Variants in BRINP3 observed in about 807,000 individuals in gnomAD.
BRINP3 encodes the protein BMP/retinoic acid-inducible neural-specific protein 3.
A neutral mutation model predicts 71.0 loss-of-function variants in BRINP3; 19 were observed. The ratio of observed to expected loss-of-function variants is 0.27; its 90% CI spans 0.19 to 0.39. The LOEUF (loss-of-function observed/expected upper bound fraction) is 0.39. BRINP3 is among the 10% of genes least tolerant of loss of function. The probability of loss-of-function intolerance (pLI) is 1.00; values close to 1 mark genes in which losing one functional copy is unlikely to be tolerated. For missense variants in BRINP3, 959 were observed against 940.8 expected, an observed-to-expected ratio of 1.02 and a Z score of -0.25; for synonymous variants, 380 against 337.7, an observed-to-expected ratio of 1.13 and a Z score of -1.37.
intron 6 of BRINP3, among the ~76,000 whole-genome samples, chr1:190,175,696 A>G (rs907150489): frequency 6.6e-6 from 1 of 152,226 alleles, no homozygotes; most frequent in Admixed American, 6.5e-5. Context: ...CTTATAGGAC[A>G]TGAAAAGCAT....
At chr1:190,403,900 T>A (rs1342852099) in intron 2 of BRINP3, among the ~76,000 whole-genome samples, 1 of 152,196 alleles carries the variant, frequency 6.6e-6, no homozygotes, top group African/African-American at 2.4e-5. Context: ...TGGAAATAAA[T>A]CCTTGGCTCA....
chr1:190,290,551 C>T (rs890768785), intron 2 of BRINP3, among the ~76,000 whole-genome samples: 10 of 152,148 alleles, frequency 6.6e-5, no homozygotes, highest in African/African-American at 1.9e-4. Flanking sequence ...TAAGTTTATA[C>T]GTTTGGTAGG....
rs1660985769 is a variant in BRINP3, at chr1:190,259,597, A to C, written c.618+5268T>G. On this transcript the variant is annotated intron_variant, in intron 4 of 7. Coordinates refer to ENST00000367462, the MANE Select transcript of BRINP3 (RefSeq NM_199051.3). Reference sequence around the variant, plus strand: ...CAAAGAAAGAATTTCCATTCTCACCACCAGGAGAATTAGGCAAAAAATAAA... The same window carrying C: ...CAAAGAAAGAATTTCCATTCTCACCCCCAGGAGAATTAGGCAAAAAATAAA... 3.4e-5 allele frequency among the ~76,000 whole-genome samples: 5 copies of C among 148,592 alleles called. No individual in the cohort carries two copies. In the South Asian group the frequency reaches 1.1e-3, roughly 32 times the overall value.
At chr1:190,386,277 CA>C (rs1320681468) in intron 2 of BRINP3, among the ~76,000 whole-genome samples, 10 of 148,290 alleles carry the variant, frequency 6.7e-5, no homozygotes, top group East Asian at 6.0e-4. Context: ...AAATAAACTA[CA>C]AAAAAAAATA....
chr1:190,232,951 A>AT (rs1658136301), intron 5 of BRINP3, among the ~76,000 whole-genome samples: 2 of 152,278 alleles, frequency 1.3e-5, no homozygotes, highest in Admixed American at 1.3e-4. Context: ...AAATGTTTTA[A>AT]TAAATGTAAA....
chr1:190,374,369 A>C (rs1038790329), intron 2 of BRINP3, among the ~76,000 whole-genome samples: 18 of 152,244 alleles, frequency 1.2e-4, no homozygotes, highest in African/African-American at 4.3e-4. Context: ...CTAATACTGG[A>C]AGCTTTATTG....
At chr1:190,189,644 T>G (rs944131609) in intron 6 of BRINP3, among the ~76,000 whole-genome samples, 2 of 152,136 alleles carry the variant, frequency 1.3e-5, no homozygotes. Flanking sequence ...CTCATTCTAC[T>G]CACTTTTTTT....
intron 7 of BRINP3, among the ~76,000 whole-genome samples, chr1:190,160,251 TG>T (rs1323289498): frequency 1.3e-5 from 2 of 152,184 alleles, no homozygotes; most frequent in Non-Finnish European, 1.5e-5. Flanking sequence ...TTCTATACAC[TG>T]GTTATAGAAA....
At chr1:190,379,314 G>T (rs1279283096) in intron 2 of BRINP3, among the ~76,000 whole-genome samples, 1 of 152,136 alleles carries the variant, frequency 6.6e-6, no homozygotes, top group Non-Finnish European at 1.5e-5. Flanking sequence ...TGTATAAAAG[G>T]CACATTGAGA....
At chr1:190,207,059 T>TA (rs1276439107) in intron 6 of BRINP3, among the ~76,000 whole-genome samples, 1 of 151,650 alleles carries the variant, frequency 6.6e-6, no homozygotes. Flanking sequence ...GTGATGTTAA[T>TA]ATTAGAGATG....
intron 6 of BRINP3, among the ~76,000 whole-genome samples, chr1:190,205,857 A>G (rs1655448851): frequency 6.6e-6 from 1 of 152,000 alleles, no homozygotes; most frequent in African/African-American, 2.4e-5. Context: ...TAGAGGTACC[A>G]TGGGCCTCTA....
intron 2 of BRINP3, among the ~76,000 whole-genome samples, chr1:190,372,388 G>T (rs1669924431): frequency 6.6e-6 from 1 of 152,072 alleles, no homozygotes; most frequent in Non-Finnish European, 1.5e-5. Flanking sequence ...GCTTACTGAG[G>T]GTGTTTACTG....
chr1:190,323,897 A>G (rs1666411977), intron 2 of BRINP3, among the ~76,000 whole-genome samples: 1 of 151,990 alleles, frequency 6.6e-6, no homozygotes, highest in Non-Finnish European at 1.5e-5. Flanking sequence ...TAAAACCTGA[A>G]TCTCTCTAAA....
intron 2 of BRINP3, among the ~76,000 whole-genome samples, chr1:190,357,381 C>T (rs928270131): frequency 2.6e-5 from 4 of 152,068 alleles, no homozygotes; most frequent in South Asian, 4.1e-4. Context: ...TGCTTCACTA[C>T]TAATTTCATT....
chr1:190,227,665 A>T (rs1377587413), intron 5 of BRINP3, among the ~76,000 whole-genome samples: 2 of 151,934 alleles, frequency 1.3e-5, no homozygotes. Context: ...ATTATTTGAC[A>T]GATGTATAGT....
chr1:190,468,321 C>T (rs932707897), intron 1 of BRINP3, among the ~76,000 whole-genome samples: 3 of 151,172 alleles, frequency 2.0e-5, no homozygotes, highest in Admixed American at 1.3e-4. Context: ...GCTGCTGATT[C>T]TTACTTGAAA....
intron 2 of BRINP3, among the ~76,000 whole-genome samples, chr1:190,361,681 C>A (rs562522748): frequency 6.6e-6 from 1 of 152,186 alleles, no homozygotes; most frequent in Non-Finnish European, 1.5e-5. Flanking sequence ...GAATTACAGG[C>A]GTGAGCCACC....
At chr1:190,410,814 C>G (rs1225104190) in intron 2 of BRINP3, among the ~76,000 whole-genome samples, 1 of 152,014 alleles carries the variant, frequency 6.6e-6, no homozygotes, top group African/African-American at 2.4e-5. Context: ...ATGACTCTAA[C>G]AAGAGTTATT....
intron 6 of BRINP3, among the ~76,000 whole-genome samples, chr1:190,222,979 TAA>T (rs768816177): frequency 2.0e-5 from 3 of 147,702 alleles, no homozygotes; most frequent in Admixed American, 6.7e-5. Context: ...AATGAAGAAA[TAA>T]AAAAAAAATT....
Sources: allele counts gnomAD v4.1 joint callset (sites outside exome capture counted in the v4.1 genomes callset), GRCh38; gene constraint gnomAD v4.1.1; transcripts MANE v1.5; gene names NCBI Gene and HGNC (gene_info 2026-07-23, HGNC 2026-07-21).